Variants in PLEKHA5 observed in about 807,000 individuals in gnomAD.
PLEKHA5 encodes pleckstrin homology domain-containing family A member 5.
In PLEKHA5, 55 loss-of-function variants were observed where a neutral mutation model predicts 181.9. The observed-to-expected ratio is 0.30, with a 90% CI of 0.24 to 0.38. PLEKHA5 has a LOEUF of 0.38. PLEKHA5 is among the 10% of genes least tolerant of loss of function. The pLI, the probability that PLEKHA5 is intolerant of heterozygous loss-of-function variation, is 1.00. For missense variants in PLEKHA5, 1,432 were observed against 1,549.5 expected (o/e 0.92, Z 1.27); for synonymous variants, 535 against 529.4 (o/e 1.01, Z -0.15).
chr12:19,230,341 A>G (rs2060314009), intron 3 of PLEKHA5, among the ~76,000 whole-genome samples: 1 of 152,210 alleles, frequency 6.6e-6, no homozygotes, highest in African/African-American at 2.4e-5. Flanking sequence ...CCTGCCCACC[A>G]GTCCCATGCC....
chr12:19,319,105 T>C (rs2089966460), intron 16 of PLEKHA5, among the ~76,000 whole-genome samples: 1 of 152,216 alleles, frequency 6.6e-6, no homozygotes, highest in Non-Finnish European at 1.5e-5. Flanking sequence ...AATTATTTTC[T>C]TGGATCTAGG....
intron 15 of PLEKHA5, chr12:19,306,890 G>A (rs1436972564): frequency 7.4e-6 from 6 of 807,010 alleles, no homozygotes; most frequent in Admixed American, 1.8e-5. Flanking sequence ...TAAGGCTAAG[G>A]CTTGTCTCTG....
intron 3 of PLEKHA5, among the ~76,000 whole-genome samples, chr12:19,212,575 G>A (rs777926956): frequency 4.0e-5 from 6 of 151,714 alleles, no homozygotes; most frequent in Non-Finnish European, 5.9e-5. Flanking sequence ...CAGCTACTCC[G>A]GAGGCGGAGA....
At chr12:19,331,302 G>A (rs2092805587) in intron 20 of PLEKHA5, among the ~76,000 whole-genome samples, 1 of 152,116 alleles carries the variant, frequency 6.6e-6, no homozygotes, top group Admixed American at 6.6e-5. Flanking sequence ...ATTGATTTTA[G>A]ATAAGAAAAG....
At position 19,366,004 on chromosome 12, in the gene PLEKHA5, G is replaced by A; in HGVS notation, c.3649G>A (p.Glu1217Lys). 1 of 1,612,012 alleles carries A rather than the reference G, an allele frequency of 6.2e-7. No individual in the cohort carries two copies. The highest frequency in any genetic ancestry group is 8.5e-7 in the Non-Finnish European group (1 of 1,178,928). ...ACAGACCGCAAATCATAAACCAGAAGAGCATCCTGAAGAAAATACAAAGAA... is the reference window on the plus strand; with the variant it reads ...ACAGACCGCAAATCATAAACCAGAAAAGCATCCTGAAGAAAATACAAAGAA... ...ETQTANHKPE[E>K]HPEENTKNSV... The change falls in exon 30 of 32, where the codon GAG becomes AAG. Residue 1217 changes from glutamate (E) to lysine (K), a missense_variant. Around this residue, in one of 2 missense-constraint regions of PLEKHA5, gnomAD observed 1,143 missense variants for 1,168.4 expected, o/e 0.98. Coordinates refer to ENST00000429027, the MANE Select transcript of PLEKHA5 (RefSeq NM_001256470.2).
intron 3 of PLEKHA5, among the ~76,000 whole-genome samples, chr12:19,216,490 C>G (rs1259513061): frequency 6.6e-6 from 1 of 152,000 alleles, no homozygotes; most frequent in East Asian, 1.9e-4. Flanking sequence ...TGCCGAAACC[C>G]CATCTCTACT....
At chr12:19,226,587 C>T (rs535469234) in intron 3 of PLEKHA5, among the ~76,000 whole-genome samples, 3 of 152,152 alleles carry the variant, frequency 2.0e-5, no homozygotes, top group Non-Finnish European at 4.4e-5. Context: ...TGAACTGACT[C>T]TTGGACTTCC....
chr12:19,355,719 A>C (rs764513051), intron 26 of PLEKHA5, among the ~76,000 whole-genome samples: 8 of 152,164 alleles, frequency 5.3e-5, no homozygotes, highest in African/African-American at 1.9e-4. Flanking sequence ...TAAAGATAAT[A>C]TATCAGCATT....
At chr12:19,157,885 G>A (rs2042118573) in intron 3 of PLEKHA5, among the ~76,000 whole-genome samples, 1 of 152,124 alleles carries the variant, frequency 6.6e-6, no homozygotes, top group Non-Finnish European at 1.5e-5. Context: ...GATTGAAAAA[G>A]AGGCAATGGA....
intron 3 of PLEKHA5, among the ~76,000 whole-genome samples, chr12:19,162,696 A>G (rs1591867442): frequency 6.6e-6 from 1 of 152,186 alleles, no homozygotes. Flanking sequence ...CATTAAATTG[A>G]TATGGAACAA....
At chr12:19,152,849 C>G (rs532381383) in intron 3 of PLEKHA5, 2 of 152,116 alleles carry the variant, frequency 1.3e-5, no homozygotes, top group East Asian at 3.9e-4. Context: ...TTGGGAATTT[C>G]TTTATTATAA....
At chr12:19,300,797 T>C in intron 15 of PLEKHA5, among the ~76,000 whole-genome samples, 1 of 152,132 alleles carries the variant, frequency 6.6e-6, no homozygotes, top group East Asian at 1.9e-4. Flanking sequence ...CAGTTAACCA[T>C]TGATAAAATC....
chr12:19,290,616 C>G, intron 13 of PLEKHA5, 61 bp from the exon 14 acceptor site: 1 of 1,451,580 alleles, frequency 6.9e-7, no homozygotes, highest in East Asian at 2.5e-5. Context: ...TAATATCTGT[C>G]ACTTAAGACA....
rs2072120497 is a variant in PLEKHA5, at chr12:19,270,060, G to A, written c.828-128G>A. 1.9e-5 allele frequency: 12 copies of A among 639,078 alleles called. No individual in the cohort carries two copies. In the East Asian group the frequency reaches 3.5e-4, roughly 19 times the overall value. The allele number at this position is 639,078 out of a possible 1,614,324, so 39.6% of individuals were successfully genotyped here. On this transcript the variant is annotated intron_variant, in intron 9 of 31. Coordinates refer to ENST00000429027, the MANE Select transcript of PLEKHA5 (RefSeq NM_001256470.2). ...AATTAAATTAATACACATTTTGTTA[G>A]TTTGCGATACCACCTACATTTTTAT...
rs984028140 is a variant in PLEKHA5, at chr12:19,290,818, C to A, written c.1983+22C>A. On this transcript the variant is annotated intron_variant, in intron 14 of 31. Transcript: ENST00000429027. ...AAAGGTCAGCTATGGAGAGATTTGT[C>A]TGTGTCGTCTGCCATCATCTCTTAT... 8.6e-6 allele frequency: 13 copies of A among 1,513,740 alleles called. No homozygotes were observed. The Admixed American group carries it at 2.5e-4, about 29-fold the overall frequency. 93.8% of individuals were successfully genotyped at this position (1,513,740 alleles called of 1,614,324 possible).
chr12:19,229,127 C>T (rs2060084451), intron 3 of PLEKHA5, among the ~76,000 whole-genome samples: 1 of 152,134 alleles, frequency 6.6e-6, no homozygotes, highest in South Asian at 2.1e-4. Flanking sequence ...TCACTCATAG[C>T]AGAGAAATGT....
intron 7 of PLEKHA5, among the ~76,000 whole-genome samples, chr12:19,264,824 T>A (rs2069774378): frequency 6.6e-6 from 1 of 152,154 alleles, no homozygotes. Flanking sequence ...ATAAAAAGAA[T>A]TATTTCACTT....
intron 27 of PLEKHA5, among the ~76,000 whole-genome samples, 182 bp downstream of exon 27, chr12:19,358,619 G>C (rs531835823): frequency 1.3e-5 from 2 of 152,260 alleles, no homozygotes; most frequent in Non-Finnish European, 2.9e-5. Context: ...CTGAGTTCAA[G>C]AGACCAGAGC....
intron 15 of PLEKHA5, among the ~76,000 whole-genome samples, chr12:19,310,342 GC>G (rs1399542658): frequency 6.6e-6 from 1 of 152,090 alleles, no homozygotes; most frequent in Non-Finnish European, 1.5e-5. Context: ...TGAAGGCCAG[GC>G]TCATGCCTGT....
Sources: allele counts gnomAD v4.1 joint callset (sites outside exome capture counted in the v4.1 genomes callset), GRCh38; gene constraint gnomAD v4.1.1; regional missense constraint gnomAD v4.1.1; transcripts MANE v1.5; gene names NCBI Gene and HGNC (gene_info 2026-07-23, HGNC 2026-07-21).